Variants in NXPH1 observed in about 807,000 individuals in gnomAD.
NXPH1 encodes the protein neurexophilin 1.
NXPH1 carries 5 observed loss-of-function variants against 23.7 expected under a neutral mutation model. That is an observed-to-expected ratio of 0.21 (90% CI 0.11 to 0.44). NXPH1 has a LOEUF of 0.44. NXPH1 is among the 20% of genes least tolerant of loss of function. NXPH1 has a pLI of 0.99. For synonymous variants in NXPH1, 144 were observed against 122.2 expected (o/e 1.18, Z -1.18); for missense variants, 324 against 321.6 (o/e 1.01, Z -0.06).
At chr7:8,672,691 T>C (rs1427978572) in intron 2 of NXPH1, among the ~76,000 whole-genome samples, 2 of 152,190 alleles carry the variant, frequency 1.3e-5, no homozygotes, top group African/African-American at 2.4e-5. Flanking sequence ...GGGAAGACCA[T>C]TGTTTCACAG....
chr7:8,527,173 G>C (rs1335497207), intron 2 of NXPH1, among the ~76,000 whole-genome samples: 1 of 152,184 alleles, frequency 6.6e-6, no homozygotes, highest in South Asian at 2.1e-4. Flanking sequence ...GTAGGAGAAG[G>C]CAAGGCCATT....
At chr7:8,598,964 T>A (rs1819293191) in intron 2 of NXPH1, among the ~76,000 whole-genome samples, 1 of 152,020 alleles carries the variant, frequency 6.6e-6, no homozygotes, top group Non-Finnish European at 1.5e-5. Flanking sequence ...TGTTCATTTA[T>A]TCATCCAAAC....
chr7:8,617,627 T>C (rs994952809), intron 2 of NXPH1, among the ~76,000 whole-genome samples: 28 of 151,926 alleles, frequency 1.8e-4, no homozygotes, highest in African/African-American at 6.8e-4. Context: ...CTAGTGGACA[T>C]AGAGAGTAGA....
chr7:8,525,565 C>T (rs568062018), intron 2 of NXPH1, among the ~76,000 whole-genome samples: 2 of 152,272 alleles, frequency 1.3e-5, no homozygotes, highest in East Asian at 3.9e-4. Context: ...CATCACAGGC[C>T]CAGAGGCCCA....
At chr7:8,443,787 C>G (rs1019832654) in intron 2 of NXPH1, among the ~76,000 whole-genome samples, 2 of 152,198 alleles carry the variant, frequency 1.3e-5, no homozygotes, top group Non-Finnish European at 2.9e-5. Flanking sequence ...AGCGTGAAAT[C>G]TATCATCATT....
intron 2 of NXPH1, among the ~76,000 whole-genome samples, chr7:8,698,149 G>A (rs896130092): frequency 9.2e-5 from 14 of 152,260 alleles, no homozygotes; most frequent in African/African-American, 3.4e-4. Context: ...AATACTGGAC[G>A]TCTTACAATG....
intron 2 of NXPH1, among the ~76,000 whole-genome samples, chr7:8,634,402 A>T (rs1309123979): frequency 1.3e-5 from 2 of 152,098 alleles, no homozygotes; most frequent in Non-Finnish European, 2.9e-5. Context: ...ATTTTTACTT[A>T]GTAAATTTAA....
rs577263091 is a variant in NXPH1 at position 8,718,468 on chromosome 7, A to G, written c.55-32540A>G. Reference sequence around the variant, plus strand: ...AAAACTCTGTTAGACATTTTAACCCAATTTAATTTATTCCCTGAAAGTTTA... The same window carrying G: ...AAAACTCTGTTAGACATTTTAACCCGATTTAATTTATTCCCTGAAAGTTTA... On this transcript the variant is annotated intron_variant, in intron 2 of 2. Transcript: ENST00000405863. Among the ~76,000 whole-genome samples, 33 of 152,316 alleles carry G rather than the reference A, an allele frequency of 2.2e-4. No individual in the cohort carries two copies. The Middle Eastern group carries it at 0.02, about 94-fold the overall frequency.
chr7:8,645,208 G>A (rs188473851), intron 2 of NXPH1, among the ~76,000 whole-genome samples: 155 of 152,242 alleles, frequency 1.0e-3, no homozygotes, highest in African/African-American at 3.7e-3. Flanking sequence ...ATTGAGTCAT[G>A]AACTATATAC....
chr7:8,638,481 ATAT>A (rs1820254041), intron 2 of NXPH1, among the ~76,000 whole-genome samples: 3 of 152,328 alleles, frequency 2.0e-5, no homozygotes, highest in South Asian at 2.1e-4. Context: ...ATTGTGTAAG[ATAT>A]TATATTAAAA....
chr7:8,591,131 T>C (rs576743937), intron 2 of NXPH1, among the ~76,000 whole-genome samples: 50 of 152,076 alleles, frequency 3.3e-4, no homozygotes, highest in Non-Finnish European at 6.3e-4. Context: ...CAAAGAAGGA[T>C]AATAAAACCA....
chr7:8,477,718 T>C (rs1411531001), intron 2 of NXPH1, among the ~76,000 whole-genome samples: 1 of 152,118 alleles, frequency 6.6e-6, no homozygotes, highest in Non-Finnish European at 1.5e-5. Flanking sequence ...TGCATCAGGA[T>C]CACATAGATG....
At position 8,674,938 on chromosome 7, in the gene NXPH1, G is replaced by C. The variant is rs141160468; in HGVS notation, c.55-76070G>C. Among the ~76,000 whole-genome samples the C allele has an allele frequency of 1.1e-3, 175 of 152,288 alleles. 1 individual carries two copies. Among genetic ancestry groups the C allele is most frequent in the African/African-American group, 4.1e-3 (169 of 41,568 alleles). On this transcript the variant is annotated intron_variant, in intron 2 of 2. Transcript: ENST00000405863. Reference sequence around the variant, plus strand: ...TTACGGTCAAGCCCTTACTGGTGTAGACAGCTCCAGATGAAATATATAATT... The same window carrying C: ...TTACGGTCAAGCCCTTACTGGTGTACACAGCTCCAGATGAAATATATAATT...
intron 2 of NXPH1, among the ~76,000 whole-genome samples, chr7:8,651,141 G>A: frequency 1.4e-5 from 2 of 145,818 alleles, no homozygotes; most frequent in East Asian, 4.1e-4. Context: ...CCCCACAACA[G>A]TCCCCAGAGT....
At chr7:8,687,091 C>G (rs536631058) in intron 2 of NXPH1, among the ~76,000 whole-genome samples, 38 of 152,190 alleles carry the variant, frequency 2.5e-4, no homozygotes, top group South Asian at 1.7e-3. Flanking sequence ...TTGACTTCAG[C>G]AGATATGTAA....
chr7:8,655,892 C>A (rs927150328), intron 2 of NXPH1, among the ~76,000 whole-genome samples: 1 of 152,096 alleles, frequency 6.6e-6, no homozygotes, highest in Non-Finnish European at 1.5e-5. Context: ...CAGAATTAAC[C>A]CTTACTCCAC....
At chr7:8,474,958 G>A (rs1352395907) in intron 2 of NXPH1, among the ~76,000 whole-genome samples, 3 of 152,104 alleles carry the variant, frequency 2.0e-5, no homozygotes, top group African/African-American at 7.2e-5. Flanking sequence ...GCTTATGTGT[G>A]AGGACAGTCC....
chr7:8,471,773 A>AT (rs1361399732), intron 2 of NXPH1, among the ~76,000 whole-genome samples: 3 of 152,096 alleles, frequency 2.0e-5, no homozygotes, highest in African/African-American at 7.2e-5. Flanking sequence ...TACATTTCTC[A>AT]TTTTTAACAT....
intron 2 of NXPH1, among the ~76,000 whole-genome samples, chr7:8,445,486 A>G (rs971813538): frequency 6.6e-6 from 1 of 152,208 alleles, no homozygotes; most frequent in Non-Finnish European, 1.5e-5. Flanking sequence ...AAATTTACAC[A>G]TAGTGTAACG....
Sources: gnomAD v4.1 joint callset for allele counts (sites outside exome capture counted in the v4.1 genomes callset) on GRCh38, gnomAD v4.1.1 for gene constraint, MANE v1.5 for transcripts, NCBI Gene and HGNC (gene_info 2026-07-23, HGNC 2026-07-21) for gene names.